The following TMPRSS11A variants were observed in gnomAD, a reference collection of about 807,000 sequenced individuals.
The protein encoded by TMPRSS11A is transmembrane protease serine 11A.
TMPRSS11A carries 53 observed loss-of-function variants against 58.9 expected under a neutral mutation model. The observed-to-expected ratio is 0.90, with a 90% CI of 0.72 to 1.13. TMPRSS11A has a LOEUF of 1.13. Ranked by LOEUF, TMPRSS11A falls within the 50% of genes most tolerant of loss-of-function variation. TMPRSS11A has a pLI of 0.00. For missense variants in TMPRSS11A, 493 were observed against 499.3 expected (o/e 0.99, Z 0.12); for synonymous variants, 167 against 169.8 (o/e 0.98, Z 0.13).
At chr4:67,928,786 C>T (rs1720537853) in intron 5 of TMPRSS11A, among the ~76,000 whole-genome samples, 1 of 152,130 alleles carries the variant, frequency 6.6e-6, no homozygotes. Flanking sequence ...GAAGTGTCAG[C>T]TAGACCCTTA....
At position 67,911,356 on chromosome 4, in the gene TMPRSS11A, T is replaced by C. The variant is rs1374952894; in HGVS notation, c.1243A>G (p.Lys415Glu). 2 of 1,613,186 alleles carry C rather than the reference T, an allele frequency of 1.2e-6. No individual in the cohort carries two copies. The highest frequency in any genetic ancestry group is 2.2e-5 in the East Asian group (1 of 44,842). The change falls in exon 10 of 10, where the codon AAA (lysine) becomes GAA (glutamate). Residue 415 changes from lysine to glutamate, a missense_variant. Transcript: ENST00000508048. The stretch of plus-strand genomic sequence containing the variant: ...TTTATCGTGAATTAGATGCCTGTTT[T>C]TGAAGCAATCCAGTTTCGGTAATAA... ...VTYYRNWIAS[K>E]TGI
chr4:67,962,567 AC>A (rs1721459649), intron 1 of TMPRSS11A, among the ~76,000 whole-genome samples: 1 of 152,170 alleles, frequency 6.6e-6, no homozygotes, highest in African/African-American at 2.4e-5. Flanking sequence ...TACTTGTGAT[AC>A]TTGTTCTACT....
At chr4:67,922,326 A>G (rs1278387948) in intron 7 of TMPRSS11A, among the ~76,000 whole-genome samples, 1 of 152,220 alleles carries the variant, frequency 6.6e-6, no homozygotes, top group Non-Finnish European at 1.5e-5. Flanking sequence ...TCCGGCATTT[A>G]TTGAAAATTT....
chr4:67,951,483 C>T (rs903077030), intron 1 of TMPRSS11A, among the ~76,000 whole-genome samples: 2 of 152,132 alleles, frequency 1.3e-5, no homozygotes, highest in Non-Finnish European at 2.9e-5. Flanking sequence ...TCTTACTTTT[C>T]CTAGAAAAGC....
chr4:67,919,336 T>G, intron 7 of TMPRSS11A, 104 bp from the exon 8 acceptor site: 1 of 1,033,342 alleles, frequency 9.7e-7, no homozygotes, highest in Non-Finnish European at 1.4e-6. Flanking sequence ...ATCCTGAGAA[T>G]ACTTGGCTGC....
chr4:67,924,295 G>T, intron 5 of TMPRSS11A, 129 bp from the exon 6 acceptor site: 2 of 792,932 alleles, frequency 2.5e-6, no homozygotes, highest in Non-Finnish European at 4.3e-6. Context: ...TTAATTAGGA[G>T]AATGGCTATC....
chr4:67,948,338 T>G (rs1721077195), intron 1 of TMPRSS11A, among the ~76,000 whole-genome samples: 1 of 151,982 alleles, frequency 6.6e-6, no homozygotes. Context: ...TTTTGTATTT[T>G]TAGTAGAAAC....
At chr4:67,935,987 T>A (rs1350213399) in intron 3 of TMPRSS11A, among the ~76,000 whole-genome samples, 1 of 152,182 alleles carries the variant, frequency 6.6e-6, no homozygotes, top group African/African-American at 2.4e-5. Flanking sequence ...TCATTTGCTT[T>A]CAAATCAGCC....
At chr4:67,920,460 G>C (rs1050598746) in intron 7 of TMPRSS11A, among the ~76,000 whole-genome samples, 3 of 149,252 alleles carry the variant, frequency 2.0e-5, no homozygotes, top group Non-Finnish European at 4.4e-5. Context: ...ACAAAGTCTC[G>C]AATGTTCAGA....
chr4:67,935,745 T>G (rs542242436), intron 3 of TMPRSS11A, among the ~76,000 whole-genome samples: 1 of 152,326 alleles, frequency 6.6e-6, no homozygotes, highest in Non-Finnish European at 1.5e-5. Flanking sequence ...GAAAATTTTA[T>G]AAGACTTTTT....
chr4:67,915,926 A>G (rs1720132610), intron 8 of TMPRSS11A, among the ~76,000 whole-genome samples: 1 of 152,236 alleles, frequency 6.6e-6, no homozygotes, highest in Non-Finnish European at 1.5e-5. Flanking sequence ...ACACATTTAT[A>G]AAAAACTAAT....
In TMPRSS11A at chr4:67,946,534, G is replaced by A. The variant is rs1721015236; in HGVS notation, c.49C>T (p.Pro17Ser). 4.3e-6 allele frequency: 7 copies of A among 1,611,412 alleles called. No homozygotes were observed. The highest frequency in any genetic ancestry group is 1.6e-4 in the Middle Eastern group (1 of 6,078). ...GFGTRSRNLK[P>S]WMIAVLIVLS... ...ACAATGAGAACGGCAATCATCCATG[G>A]CTTCAGATTTCTGCTTCGGGTGCCA... The change falls in exon 2 of 10, where the codon CCA (proline) becomes TCA (serine). Residue 17 changes from proline (P) to serine (S), a missense_variant. By Grantham distance (74) the Pro-to-Ser change is moderately conservative. Transcript: ENST00000508048.
At chr4:67,961,230 G>T (rs1721412463) in intron 1 of TMPRSS11A, among the ~76,000 whole-genome samples, 1 of 152,120 alleles carries the variant, frequency 6.6e-6, no homozygotes, top group Non-Finnish European at 1.5e-5. Context: ...AGTAAGAATG[G>T]CTAGCATGAC....
Position 67,922,911 on chromosome 4 carries a change from A to T in TMPRSS11A, c.536T>A (p.Val179Asp). ...TATTCTGTTGACGTTTAATGGAACA[A>T]CTCGTTTACCACAACCTGAAAAAAG... ...LTVQASCGKR[V>D]VPLNVNRIAS... The change falls in exon 7 of 10, where the codon GTT (valine) becomes GAT (aspartate). Residue 179 changes from valine (V) to aspartate (D), a missense_variant. Val to Asp is a radical substitution (Grantham distance 152, BLOSUM62 -3). Coordinates refer to ENST00000508048, the MANE Select transcript of TMPRSS11A (RefSeq NM_001114387.2). 1.9e-6 allele frequency: 3 copies of T among 1,613,940 alleles called. No homozygotes were observed. The highest frequency in any genetic ancestry group is 2.5e-6 in the Non-Finnish European group (3 of 1,179,942).
chr4:67,943,808 T>C (rs1193594242), intron 3 of TMPRSS11A, among the ~76,000 whole-genome samples: 1 of 152,152 alleles, frequency 6.6e-6, no homozygotes, highest in East Asian at 1.9e-4. Flanking sequence ...GGAAAGAAAG[T>C]GTCTTAAAAA....
intron 3 of TMPRSS11A, among the ~76,000 whole-genome samples, chr4:67,942,709 T>C (rs1344592298): frequency 6.6e-6 from 1 of 152,180 alleles, no homozygotes; most frequent in Non-Finnish European, 1.5e-5. Context: ...GTACATTCAA[T>C]GACCTAGTAA....
intron 3 of TMPRSS11A, among the ~76,000 whole-genome samples, chr4:67,935,969 G>C (rs1336570596): frequency 6.6e-6 from 1 of 152,082 alleles, no homozygotes; most frequent in Non-Finnish European, 1.5e-5. Flanking sequence ...ATGTCATTGT[G>C]TTTGAGCTCA....
chr4:67,946,650 A>G, intron 1 of TMPRSS11A, 79 bp from the exon 2 acceptor site: 6 of 1,422,096 alleles, frequency 4.2e-6, no homozygotes, highest in Non-Finnish European at 5.6e-6. Context: ...GACAAGTTCA[A>G]GTTGCTGTAG....
chr4:67,926,845 G>T (rs1314565493), intron 5 of TMPRSS11A, among the ~76,000 whole-genome samples: 2 of 152,190 alleles, frequency 1.3e-5, no homozygotes, highest in Non-Finnish European at 2.9e-5. Flanking sequence ...CTTGCAGATG[G>T]AGAGGTGACT....
Sources: gnomAD v4.1 joint callset for allele counts (sites outside exome capture counted in the v4.1 genomes callset) on GRCh38, gnomAD v4.1.1 for gene constraint, MANE v1.5 for transcripts, NCBI Gene and HGNC (gene_info 2026-07-23, HGNC 2026-07-21) for gene names.